The following SIRT1 variants were observed in gnomAD, a reference collection of about 807,000 sequenced individuals.
SIRT1 encodes NAD-dependent protein deacetylase sirtuin-1.
SIRT1 carries 24 observed loss-of-function variants against 67.9 expected under a neutral mutation model. The ratio of observed to expected loss-of-function variants is 0.35; its 90% CI spans 0.26 to 0.50. The LOEUF is 0.50. SIRT1 is among the 20% of genes least tolerant of loss of function. SIRT1 has a pLI of 0.98. For synonymous variants in SIRT1, 378 were observed against 350.7 expected (o/e 1.08, Z -0.87); for missense variants, 873 against 937.2 (o/e 0.93, Z 0.89).
chr10:67,916,590 A>T lies in SIRT1; in HGVS notation c.2241A>T (p.Ser747=), dbSNP rs778657418. The T allele has an allele frequency of 3.7e-6, 6 of 1,606,058 alleles. No homozygotes were observed. Residue 747 remains serine (S), a synonymous_variant, in exon 9 of 9, where the codon TCA becomes TCT. Transcript: ENST00000212015. ...ACATGAACTATCCATCAAACAAATC[A>T]TAGTGTAATAATTGTGCAGGTACAG... ...VTDMNYPSNK[S]
intron 4 of SIRT1, among the ~76,000 whole-genome samples, chr10:67,904,975 T>A (rs1353429800): frequency 6.6e-6 from 1 of 152,156 alleles, no homozygotes. Flanking sequence ...CTCTACCCTT[T>A]AGAAAGGGTG....
rs1172200670 is a variant in SIRT1 at position 67,916,739 on chromosome 10, T to C, written c.*146T>C. 7.3e-6 allele frequency: 4 copies of C among 547,050 alleles called. No individual in the cohort carries two copies. Among genetic ancestry groups the C allele is most frequent in the Non-Finnish European group, 1.2e-5 (4 of 331,984 alleles). The allele number at this position is 547,050 out of a possible 1,614,324, so 33.9% of individuals were successfully genotyped here. Reference sequence around the variant, plus strand: ...GGTTGGTAAAATAGATTGTTTTTCATGGATAATTTTTAACTTCATTATTTC... The same window carrying C: ...GGTTGGTAAAATAGATTGTTTTTCACGGATAATTTTTAACTTCATTATTTC... On this transcript the variant is annotated 3_prime_UTR_variant, in exon 9 of 9. Coordinates refer to ENST00000212015, the MANE Select transcript of SIRT1 (RefSeq NM_012238.5).
chr10:67,913,509 G>A (rs954423771), intron 8 of SIRT1, among the ~76,000 whole-genome samples: 1 of 152,196 alleles, frequency 6.6e-6, no homozygotes, highest in Non-Finnish European at 1.5e-5. Context: ...ATGCGGTGTT[G>A]TCTCAGATGT....
intron 5 of SIRT1, among the ~76,000 whole-genome samples, chr10:67,907,609 A>G (rs749357242): frequency 1.3e-5 from 2 of 152,206 alleles, no homozygotes; most frequent in Non-Finnish European, 2.9e-5. Flanking sequence ...TGAGATGTAC[A>G]GGATTCAGAG....
At chr10:67,911,649 T>G (rs1842900672) in intron 7 of SIRT1, among the ~76,000 whole-genome samples, 1 of 113,946 alleles carries the variant, frequency 8.8e-6, no homozygotes. Context: ...TTGTCCTTCC[T>G]TCCATTCATC....
At chr10:67,895,674 A>G (rs1450976520) in intron 4 of SIRT1, among the ~76,000 whole-genome samples, 3 of 151,550 alleles carry the variant, frequency 2.0e-5, no homozygotes, top group African/African-American at 4.8e-5. Flanking sequence ...TTTTTTTGGA[A>G]AGAATTTCTA....
chr10:67,891,643 T>C, intron 4 of SIRT1, 89 bp downstream of exon 4: 1 of 1,332,482 alleles, frequency 7.5e-7, no homozygotes, highest in African/African-American at 1.5e-5. Flanking sequence ...TTATCGTTCA[T>C]TGTTTAGTAA....
At chr10:67,907,651 G>T (rs899398581) in intron 5 of SIRT1, among the ~76,000 whole-genome samples, 1 of 152,080 alleles carries the variant, frequency 6.6e-6, no homozygotes, top group African/African-American at 2.4e-5. Context: ...GTATCAACAG[G>T]CCATTAGGTA....
intron 8 of SIRT1, among the ~76,000 whole-genome samples, chr10:67,913,594 T>G (rs1842933620): frequency 6.6e-6 from 1 of 152,226 alleles, no homozygotes; most frequent in African/African-American, 2.4e-5. Context: ...TAGGAATAGT[T>G]TCTACCCTGT....
In SIRT1 at chr10:67,916,297, T is replaced by TA. The variant is rs1162652974; in HGVS notation, c.1949dup (p.Tyr650Ter). The TA allele has an allele frequency of 6.2e-7, 1 of 1,600,070 alleles. No individual in the cohort carries two copies. Among genetic ancestry groups the TA allele is most frequent in the Non-Finnish European group, 8.6e-7 (1 of 1,168,480 alleles). Residue 650 changes from tyrosine (Y) to a stop codon, truncating the protein, a stop_gained and frameshift_variant, in exon 9 of 9, where the codon TAC becomes TAAC. Transcript: ENST00000212015. LOFTEE classifies it high-confidence loss of function. ...GTATCTGTTTTTGCCACCAAATCGT[T>TA]ACATTTTCCATGGCGCTGAGGTATA... ...NQYLFLPPNR[Y>*]IFHGAEVYSD...
At chr10:67,886,593 G>C (rs575558059) in intron 1 of SIRT1, among the ~76,000 whole-genome samples, 39 of 151,610 alleles carry the variant, frequency 2.6e-4, no homozygotes, top group Admixed American at 1.6e-3. Context: ...GTGTTTTTAG[G>C]GACTGATTTA....
intron 4 of SIRT1, among the ~76,000 whole-genome samples, chr10:67,894,734 G>A (rs1394185435): frequency 6.6e-6 from 1 of 151,936 alleles, no homozygotes; most frequent in Non-Finnish European, 1.5e-5. Context: ...TTTTTGAGAT[G>A]GAGTCTTGCT....
chr10:67,901,530 G>A (rs1842744957), intron 4 of SIRT1, among the ~76,000 whole-genome samples: 1 of 152,184 alleles, frequency 6.6e-6, no homozygotes, highest in Non-Finnish European at 1.5e-5. Context: ...ATGCTTTGCA[G>A]ACTGCATAGG....
chr10:67,886,251 T>G (rs1842478996), intron 1 of SIRT1, among the ~76,000 whole-genome samples: 1 of 151,834 alleles, frequency 6.6e-6, no homozygotes, highest in African/African-American at 2.4e-5. Flanking sequence ...AGGTTTCTTA[T>G]TTTTGATCTG....
intron 4 of SIRT1, chr10:67,906,266 C>CAGTG: frequency 2.5e-6 from 4 of 1,585,520 alleles, no homozygotes; most frequent in Non-Finnish European, 3.4e-6. Flanking sequence ...TGTGCCTGTG[C>CAGTG]AGTGGAAGGA....
chr10:67,914,779 T>C (rs2131893443), intron 8 of SIRT1, among the ~76,000 whole-genome samples: 1 of 150,290 alleles, frequency 6.7e-6, no homozygotes, highest in East Asian at 2.0e-4. Context: ...GTGATCTCGG[T>C]TCACGGCAAC....
intron 4 of SIRT1, among the ~76,000 whole-genome samples, chr10:67,896,660 T>A (rs943035113): frequency 6.1e-5 from 9 of 146,952 alleles, no homozygotes; most frequent in Non-Finnish European, 8.9e-5. Context: ...CCGGGTGTGG[T>A]GACACACATG....
At chr10:67,908,931 A>T (rs1842859894) in intron 6 of SIRT1, among the ~76,000 whole-genome samples, 1 of 152,192 alleles carries the variant, frequency 6.6e-6, no homozygotes, top group Non-Finnish European at 1.5e-5. Flanking sequence ...ATTTTATTTG[A>T]CAAATGTCTA....
Position 67,909,534 on chromosome 10 carries a change from T to C in SIRT1, c.1357+92T>C, listed in dbSNP as rs566967289. On this transcript the variant is annotated intron_variant, in intron 7 of 8. Transcript: ENST00000212015. ...TAGACGCTAGTAATCTTAACTCTGC[T>C]TCTGTTTGAAAGAGTGGTGAAGAGC... 8 of 1,088,742 alleles carry C rather than the reference T, an allele frequency of 7.3e-6. No homozygotes were observed. In the South Asian group the frequency reaches 1.4e-4, roughly 19 times the overall value. The allele number at this position is 1,088,742 out of a possible 1,614,324, so 67.4% of individuals were successfully genotyped here. A position where few individuals can be genotyped will look rare whatever the true frequency, so the allele number is the denominator to read the frequency against.
Sources: gnomAD v4.1 joint callset for allele counts (sites outside exome capture counted in the v4.1 genomes callset) on GRCh38, gnomAD v4.1.1 for gene constraint, MANE v1.5 for transcripts, NCBI Gene and HGNC (gene_info 2026-07-23, HGNC 2026-07-21) for gene names.